IPO11: variants seen among roughly 807,000 people sequenced by gnomAD.
IPO11 encodes the protein importin-11.
Under a neutral mutation model 143.2 loss-of-function variants are expected in IPO11, and 66 were observed. That is an observed-to-expected ratio of 0.46 (90% CI 0.38 to 0.57). IPO11 has a LOEUF of 0.57. Among genes scored for constraint, IPO11 ranks in the 20% least tolerant of loss-of-function variants. The pLI is 0.00. For synonymous variants in IPO11, 385 were observed against 377.8 expected (o/e 1.02, Z -0.22); for missense variants, 1,026 against 1,141.0 (o/e 0.90, Z 1.45).
intron 24 of IPO11, among the ~76,000 whole-genome samples, chr5:62,544,302 C>T (rs1484879552): frequency 6.6e-6 from 1 of 152,090 alleles, no homozygotes; most frequent in Non-Finnish European, 1.5e-5. Context: ...GTTCAACATA[C>T]ACAAATCAAT....
At chr5:62,507,383 C>T (rs886972860) in intron 19 of IPO11, among the ~76,000 whole-genome samples, 4 of 152,092 alleles carry the variant, frequency 2.6e-5, no homozygotes, top group Non-Finnish European at 1.5e-5. Flanking sequence ...CACATTAATT[C>T]ATTTGATGGT....
rs539655420 is a variant in IPO11 at position 62,587,873 on chromosome 5, C to T, written c.2583-3704C>T. 1.2e-3 allele frequency among the ~76,000 whole-genome samples: 176 copies of T among 152,224 alleles called. 1 individual carries two copies. Among genetic ancestry groups the T allele is most frequent in the Non-Finnish European group, 1.6e-3 (112 of 68,016 alleles). The stretch of plus-strand genomic sequence containing the variant: ...GCCGTGTAGCTAGTCACTGGTGGAG[C>T]GACAATTTGAGGCCCTGATGCTGAC... On this transcript the variant is annotated intron_variant, in intron 27 of 29. Transcript: ENST00000325324.
At chr5:62,434,691 T>TGCA (rs1744110788) in intron 1 of IPO11, among the ~76,000 whole-genome samples, 7 of 152,088 alleles carry the variant, frequency 4.6e-5, no homozygotes, top group Non-Finnish European at 7.4e-5. Flanking sequence ...AAAATATTGG[T>TGCA]TACATGTTGC....
intron 16 of IPO11, among the ~76,000 whole-genome samples, chr5:62,497,158 G>A (rs1204606535): frequency 2.0e-5 from 3 of 152,176 alleles, no homozygotes; most frequent in Non-Finnish European, 4.4e-5. Context: ...TTTGTTATTA[G>A]AAGGAGACTG....
chr5:62,496,806 G>A (rs1741174811), intron 16 of IPO11, among the ~76,000 whole-genome samples: 1 of 152,072 alleles, frequency 6.6e-6, no homozygotes, highest in Admixed American at 6.5e-5. Flanking sequence ...CTACACTGAG[G>A]AAAACTTAAC....
At chr5:62,422,102 A>T (rs1002007056) in intron 1 of IPO11, among the ~76,000 whole-genome samples, 2 of 151,454 alleles carry the variant, frequency 1.3e-5, no homozygotes, top group South Asian at 4.2e-4. Context: ...TTTCCTTCCT[A>T]TTTTTTTTCA....
At chr5:62,451,652 T>G in intron 4 of IPO11, 78 bp from the exon 5 acceptor site, 2 of 1,074,198 alleles carry the variant, frequency 1.9e-6, no homozygotes, top group Non-Finnish European at 2.8e-6. Context: ...AAGTGTATAA[T>G]TAACAAGGTG....
At chr5:62,621,529 C>T (rs888849653) in intron 29 of IPO11, among the ~76,000 whole-genome samples, 16 of 152,194 alleles carry the variant, frequency 1.1e-4, no homozygotes, top group East Asian at 3.9e-4. Context: ...ACCTGCAGTC[C>T]GTTTTTCGGC....
chr5:62,474,769 G>A (rs116109168), intron 8 of IPO11, among the ~76,000 whole-genome samples: 332 of 152,176 alleles, frequency 2.2e-3, no homozygotes, highest in Middle Eastern at 3.4e-3. Context: ...GACCTACAGC[G>A]GATGCCTGAA....
At position 62,554,628 on chromosome 5, in the gene IPO11, G is replaced by A. The variant is rs142485384; in HGVS notation, c.2460+3292G>A. On this transcript the variant is annotated intron_variant, in intron 26 of 29. Transcript: ENST00000325324. ...TCTGGGTTCTCTGTTCTATTGGTCTGTGTGTGTTTTTATGCTGGTACCATG... is the reference window on the plus strand; with the variant it reads ...TCTGGGTTCTCTGTTCTATTGGTCTATGTGTGTTTTTATGCTGGTACCATG... 7.8e-3 allele frequency among the ~76,000 whole-genome samples: 1,155 copies of A among 148,992 alleles called. 4 individuals carry two copies. The highest frequency in any genetic ancestry group is 0.01 in the Non-Finnish European group (687 of 67,798).
chr5:62,451,751 C>T lies in IPO11; in HGVS notation c.334C>T (p.Leu112Phe). ...INQIATQIAV[L>F]IAKVARLDCP... The stretch of plus-strand genomic sequence containing the variant: ...TCAGATTGCAACTCAGATTGCAGTG[C>T]TCATTGCAAAAGTTGCTAGATTGGA... The change falls in exon 5 of 30, where the codon CTC becomes TTC. Residue 112 changes from leucine to phenylalanine, a missense_variant. Leu to Phe is a conservative substitution (Grantham distance 22). Transcript: ENST00000325324. 1 of 1,614,034 alleles carries T rather than the reference C, an allele frequency of 6.2e-7. No homozygotes were observed. The highest frequency in any genetic ancestry group is 8.5e-7 in the Non-Finnish European group (1 of 1,179,942).
intron 29 of IPO11, among the ~76,000 whole-genome samples, chr5:62,606,006 C>T (rs992304364): frequency 2.0e-5 from 3 of 152,080 alleles, no homozygotes; most frequent in African/African-American, 7.2e-5. Context: ...GCCGGCATTA[C>T]AGGTGTGAGC....
intron 9 of IPO11, among the ~76,000 whole-genome samples, chr5:62,481,217 C>T (rs893583583): frequency 2.0e-5 from 3 of 151,980 alleles, no homozygotes; most frequent in African/African-American, 7.2e-5. Flanking sequence ...CGCGCCTGGC[C>T]GACTTCCTCT....
chr5:62,522,617 G>T (rs970021985), intron 20 of IPO11, among the ~76,000 whole-genome samples: 4 of 152,118 alleles, frequency 2.6e-5, no homozygotes, highest in African/African-American at 9.7e-5. Context: ...GGATGGTCTG[G>T]TTGGGTTTTG....
chr5:62,454,037 A>G (rs936690462), intron 5 of IPO11, among the ~76,000 whole-genome samples: 1 of 152,154 alleles, frequency 6.6e-6, no homozygotes, highest in Admixed American at 6.5e-5. Flanking sequence ...CAGGAGGCTG[A>G]GGCAGGAGAA....
chr5:62,534,035 T>A (rs530217647), intron 22 of IPO11, among the ~76,000 whole-genome samples: 1 of 152,218 alleles, frequency 6.6e-6, no homozygotes, highest in South Asian at 2.1e-4. Flanking sequence ...CACTTTAAGA[T>A]GTTTAAGTTA....
intron 27 of IPO11, among the ~76,000 whole-genome samples, chr5:62,573,340 C>G (rs1359592961): frequency 6.6e-6 from 1 of 152,188 alleles, no homozygotes; most frequent in Non-Finnish European, 1.5e-5. Context: ...AGCACTCTAT[C>G]AATAAATAGA....
intron 27 of IPO11, among the ~76,000 whole-genome samples, chr5:62,587,834 T>C (rs115300308): frequency 0.013 from 1,919 of 152,272 alleles, 46 homozygotes; most frequent in African/African-American, 0.042. Flanking sequence ...AGAGGTTAAA[T>C]TGACTTGCCC....
intron 15 of IPO11, among the ~76,000 whole-genome samples, chr5:62,490,656 A>G (rs998233372): frequency 1.3e-5 from 2 of 152,208 alleles, no homozygotes; most frequent in African/African-American, 4.8e-5. Flanking sequence ...TACCCTTTCT[A>G]AGTTCTAATT....
Sources: allele counts gnomAD v4.1 joint callset (sites outside exome capture counted in the v4.1 genomes callset), GRCh38; gene constraint gnomAD v4.1.1; transcripts MANE v1.5; gene names NCBI Gene and HGNC (gene_info 2026-07-23, HGNC 2026-07-21).